The following CACHD1 variants were observed in gnomAD, a reference collection of about 807,000 sequenced individuals.
CACHD1 encodes the protein cache domain containing 1, also known as VWFA and cache domain-containing protein 1.
Under a neutral mutation model 138.7 loss-of-function variants are expected in CACHD1, and 71 were observed. The observed-to-expected ratio is 0.51, with a 90% confidence interval of 0.42 to 0.62. The LOEUF is 0.62. Among genes scored for constraint, CACHD1 ranks in the 20% least tolerant of loss-of-function variants. CACHD1 has a pLI of 0.00. For missense variants in CACHD1, 1,389 were observed against 1,625.3 expected (o/e 0.85, Z 2.50); for synonymous variants, 578 against 591.5 (o/e 0.98, Z 0.33).
At chr1:64,526,219 C>T (rs936847563) in intron 1 of CACHD1, among the ~76,000 whole-genome samples, 2 of 152,042 alleles carry the variant, frequency 1.3e-5, no homozygotes, top group African/African-American at 4.8e-5. Context: ...TAAAGGTTTT[C>T]TATGAGATAT....
rs1289892000 is a variant in CACHD1 at position 64,691,578 on chromosome 1, A to G, written c.*17A>G. The stretch of plus-strand genomic sequence containing the variant: ...GAATGCTAACAATCTCCTCACCTCC[A>G]CGCCAAGATGAGATCTGGGAGCTAC... On this transcript the variant is annotated 3_prime_UTR_variant, in exon 27 of 27. Transcript: ENST00000651257. The G allele has an allele frequency of 6.3e-7, 1 of 1,599,026 alleles. No individual in the cohort carries two copies. Among genetic ancestry groups the G allele is most frequent in the South Asian group, 1.1e-5 (1 of 90,722 alleles).
chr1:64,553,452 T>G (rs140684227), intron 2 of CACHD1, among the ~76,000 whole-genome samples: 56 of 152,182 alleles, frequency 3.7e-4, no homozygotes, highest in African/African-American at 1.3e-3. Flanking sequence ...CACTTCTATG[T>G]CCTTTGAACT....
chr1:64,647,788 C>T lies in CACHD1; in HGVS notation c.1157-13C>T. The T allele has an allele frequency of 6.2e-7, 1 of 1,612,592 alleles. No individual in the cohort carries two copies. The highest frequency in any genetic ancestry group is 8.5e-7 in the Non-Finnish European group (1 of 1,178,718). On this transcript the variant is annotated splice_polypyrimidine_tract_variant and intron_variant, in intron 8 of 26. Coordinates refer to ENST00000651257, the MANE Select transcript of CACHD1 (RefSeq NM_020925.4). ...TTTGCTTTCCGTGGTCTTCTCTCGG[C>T]TTTCCATTTTAGATGGGGTGACTGG...
At chr1:64,589,602 G>A (rs912530164) in intron 3 of CACHD1, among the ~76,000 whole-genome samples, 1 of 151,976 alleles carries the variant, frequency 6.6e-6, no homozygotes, top group African/African-American at 2.4e-5. Flanking sequence ...TCAAAGGAGA[G>A]TTGCAGTTGG....
Position 64,691,427 on chromosome 1 carries a change from C to G in CACHD1, c.3691C>G (p.Leu1231Val). 1 of 1,614,112 alleles carries G rather than the reference C, an allele frequency of 6.2e-7. No homozygotes were observed. Among genetic ancestry groups the G allele is most frequent in the Non-Finnish European group, 8.5e-7 (1 of 1,180,024 alleles). ...DVGNHDEDLDLDTPPQTAALL... is the reference protein window; with the variant it reads ...DVGNHDEDLDVDTPPQTAALL... The stretch of plus-strand genomic sequence containing the variant: ...GGGAAACCATGATGAGGACTTAGAC[C>G]TGGATACCCCCCCTCAGACTGCTGC... Residue 1231 changes from leucine (L) to valine (V), a missense_variant, in exon 27 of 27, where the codon CTG (leucine) becomes GTG (valine). By Grantham distance (32) the Leu-to-Val change is conservative. Coordinates refer to ENST00000651257, the MANE Select transcript of CACHD1 (RefSeq NM_020925.4).
At chr1:64,528,413 C>G (rs1019533571) in intron 1 of CACHD1, among the ~76,000 whole-genome samples, 17 of 152,114 alleles carry the variant, frequency 1.1e-4, no homozygotes, top group Non-Finnish European at 2.4e-4. Context: ...CCCCACAACC[C>G]CATTTCAAGT....
chr1:64,573,953 C>T (rs1364950259), intron 2 of CACHD1, among the ~76,000 whole-genome samples: 1 of 152,158 alleles, frequency 6.6e-6, no homozygotes, highest in Non-Finnish European at 1.5e-5. Flanking sequence ...TTGGGATAAA[C>T]AGGGTCTTCA....
At chr1:64,684,357 C>CT (rs375621966) in intron 26 of CACHD1, among the ~76,000 whole-genome samples, 1 of 89,734 alleles carries the variant, frequency 1.1e-5, no homozygotes, top group African/African-American at 4.7e-5. Flanking sequence ...TCTTCTTCTT[C>CT]TTCTTCTTTT....
intron 1 of CACHD1, among the ~76,000 whole-genome samples, chr1:64,521,535 CAT>C (rs1226018967): frequency 6.6e-6 from 1 of 152,190 alleles, no homozygotes; most frequent in Admixed American, 6.5e-5. Context: ...GGCTGTGACA[CAT>C]ATCATTACTT....
chr1:64,603,881 T>G (rs1557515237), intron 4 of CACHD1, among the ~76,000 whole-genome samples: 2 of 152,204 alleles, frequency 1.3e-5, no homozygotes, highest in Admixed American at 1.3e-4. Flanking sequence ...GTTCACCGTT[T>G]AAGAGCTGGA....
At chr1:64,474,640 A>G (rs922851671) in intron 1 of CACHD1, among the ~76,000 whole-genome samples, 2 of 152,256 alleles carry the variant, frequency 1.3e-5, no homozygotes, top group Non-Finnish European at 2.9e-5. Context: ...CAACTCCTTA[A>G]GGAGTTTACA....
chr1:64,498,988 C>T (rs1165433070), intron 1 of CACHD1, among the ~76,000 whole-genome samples: 9 of 152,204 alleles, frequency 5.9e-5, no homozygotes, highest in Admixed American at 5.9e-4. Context: ...TTAAATAGAA[C>T]TGATTTCCCA....
At chr1:64,666,514 G>A (rs1490761437) in intron 16 of CACHD1, among the ~76,000 whole-genome samples, 1 of 152,154 alleles carries the variant, frequency 6.6e-6, no homozygotes, top group Non-Finnish European at 1.5e-5. Context: ...ACTGATGAAA[G>A]AAATATCAAT....
chr1:64,676,781 G>A (rs1440020823), intron 21 of CACHD1, 114 bp from the exon 22 acceptor site: 3 of 730,818 alleles, frequency 4.1e-6, no homozygotes, highest in South Asian at 1.7e-5. Context: ...TACACACTAA[G>A]TGGCAAAGCC....
intron 24 of CACHD1, 54 bp from the exon 25 acceptor site, chr1:64,681,204 G>A (rs750943019): frequency 9.0e-5 from 120 of 1,337,710 alleles, no homozygotes; most frequent in Admixed American, 2.9e-4. Flanking sequence ...GTATTAAAGC[G>A]GGTGATTTTG....
chr1:64,675,407 T>A lies in CACHD1; in HGVS notation c.2734T>A (p.Leu912Met). ...TACCTTGATTGTTCTGTAGGGGGATTTGACGAACCTTGTGCATGGCAGCCA... is the reference window on the plus strand; with the variant it reads ...TACCTTGATTGTTCTGTAGGGGGATATGACGAACCTTGTGCATGGCAGCCA... The part of the protein sequence containing the change: ...YKFNTSLAGD[L>M]TNLVHGSHCS... The change falls in exon 20 of 27, where the codon TTG becomes ATG. Residue 912 changes from leucine to methionine, a missense_variant. Physicochemically the swap from Leu to Met is conservative, Grantham distance 15. This residue lies in a region of CACHD1 where 50 missense variants were observed against 108.2 expected (regional missense o/e 0.46). Coordinates refer to ENST00000651257, the MANE Select transcript of CACHD1 (RefSeq NM_020925.4). 6.3e-7 allele frequency: 1 copy of A among 1,592,776 alleles called. No individual in the cohort carries two copies. Among genetic ancestry groups the A allele is most frequent in the Non-Finnish European group, 8.6e-7 (1 of 1,162,830 alleles).
intron 1 of CACHD1, among the ~76,000 whole-genome samples, chr1:64,474,070 T>C (rs6687194): frequency 0.6 from 90,670 of 152,154 alleles, 30,072 homozygotes; most frequent in East Asian, 0.74. Context: ...TTTTTAATAA[T>C]GGACAAAATA....
At chr1:64,534,929 T>C (rs1646619944) in intron 1 of CACHD1, among the ~76,000 whole-genome samples, 8 of 152,242 alleles carry the variant, frequency 5.3e-5, no homozygotes. Context: ...CTGCTGCATA[T>C]TGGATGTGAG....
chr1:64,489,021 A>G (rs1017857944), intron 1 of CACHD1, among the ~76,000 whole-genome samples: 6 of 152,130 alleles, frequency 3.9e-5, no homozygotes. Context: ...GAGATTGTTC[A>G]TAAGCAATGG....
Sources: gnomAD v4.1 joint callset for allele counts (sites outside exome capture counted in the v4.1 genomes callset) on GRCh38, gnomAD v4.1.1 for gene constraint, gnomAD v4.1.1 regional missense constraint, MANE v1.5 for transcripts, NCBI Gene and HGNC (gene_info 2026-07-23, HGNC 2026-07-21) for gene names.